Variants in GLI3 observed in about 807,000 individuals in gnomAD.
GLI3 encodes the protein transcription activator GLI3.
A neutral mutation model predicts 100.8 loss-of-function variants in GLI3; 20 were observed. The ratio of observed to expected loss-of-function variants is 0.20; its 90% CI spans 0.14 to 0.29. The LOEUF is 0.29. GLI3 is among the 10% of genes least tolerant of loss of function. The pLI, the probability that GLI3 is intolerant of heterozygous loss-of-function variation, is 1.00. For synonymous variants in GLI3, 938 were observed against 860.5 expected (o/e 1.09, Z -1.58); for missense variants, 2,040 against 2,128.5 (o/e 0.96, Z 0.82).
intron 2 of GLI3, among the ~76,000 whole-genome samples, chr7:42,221,506 G>A (rs1004855130): frequency 1.3e-5 from 2 of 151,850 alleles, no homozygotes; most frequent in Non-Finnish European, 2.9e-5. Flanking sequence ...ACACACTCAC[G>A]CATACATTTG....
chr7:42,111,117 G>T (rs1785696255), intron 3 of GLI3, among the ~76,000 whole-genome samples: 1 of 152,212 alleles, frequency 6.6e-6, no homozygotes, highest in Admixed American at 6.5e-5. Context: ...TACAGGGTTG[G>T]CTGAAATAAA....
intron 3 of GLI3, among the ~76,000 whole-genome samples, chr7:42,111,363 C>T (rs1217605556): frequency 1.3e-5 from 2 of 152,074 alleles, no homozygotes; most frequent in African/African-American, 4.8e-5. Context: ...CAAGGTAGCT[C>T]AAGGGGTCAG....
At chr7:42,133,318 T>C (rs1786340239) in intron 3 of GLI3, among the ~76,000 whole-genome samples, 1 of 152,152 alleles carries the variant, frequency 6.6e-6, no homozygotes, top group South Asian at 2.1e-4. Context: ...TCAGATATCA[T>C]TAGCTAAATG....
chr7:41,986,768 A>G (rs1787833804), intron 10 of GLI3, among the ~76,000 whole-genome samples: 2 of 152,014 alleles, frequency 1.3e-5, no homozygotes, highest in South Asian at 4.2e-4. Flanking sequence ...TTGAGAATAT[A>G]TCAAAACATA....
intron 3 of GLI3, among the ~76,000 whole-genome samples, chr7:42,125,585 T>TGTC (rs1786106062): frequency 6.6e-6 from 1 of 152,224 alleles, no homozygotes; most frequent in African/African-American, 2.4e-5. Flanking sequence ...GATCCTTTTA[T>TGTC]GTCTTTCTTC....
chr7:42,052,336 G>C (rs1171519144), intron 4 of GLI3, among the ~76,000 whole-genome samples: 1 of 152,132 alleles, frequency 6.6e-6, no homozygotes, highest in African/African-American at 2.4e-5. Context: ...ACACCAGTCG[G>C]CTTTGCTCCT....
rs1025458487 is a variant in GLI3, at chr7:42,174,744, G to A, written c.125-26276C>T. On this transcript the variant is annotated intron_variant, in intron 2 of 14. Coordinates refer to ENST00000395925, the MANE Select transcript of GLI3 (RefSeq NM_000168.6). ...TGTTCATCAACCGCCCCCCAGGGCCGCACAGAGGGTGACGGCACGGGCGAG... is the reference window on the plus strand; with the variant it reads ...TGTTCATCAACCGCCCCCCAGGGCCACACAGAGGGTGACGGCACGGGCGAG... 6.6e-5 allele frequency among the ~76,000 whole-genome samples: 10 copies of A among 152,172 alleles called. No individual in the cohort carries two copies. In the South Asian group the frequency reaches 8.3e-4, roughly 13 times the overall value.
At chr7:42,082,203 A>G (rs1785009977) in intron 3 of GLI3, among the ~76,000 whole-genome samples, 1 of 151,946 alleles carries the variant, frequency 6.6e-6, no homozygotes, top group South Asian at 2.1e-4. Flanking sequence ...AACTCACTCT[A>G]GTGAGATAGT....
At position 42,065,605 on chromosome 7, in the gene GLI3, T is replaced by C. The variant is rs1171779289; in HGVS notation, c.473+11147A>G. Among the ~76,000 whole-genome samples the C allele has an allele frequency of 3.3e-5, 5 of 152,354 alleles. No individual in the cohort carries two copies. In the East Asian group the frequency reaches 5.8e-4, roughly 18 times the overall value. On this transcript the variant is annotated intron_variant, in intron 4 of 14. Coordinates refer to ENST00000395925, the MANE Select transcript of GLI3 (RefSeq NM_000168.6). The stretch of plus-strand genomic sequence containing the variant: ...TATGTACAAGAAAATGTAGTGGTTA[T>C]AGTAAGATACTCGAATAATTTTGTT...
rs182641896 is a variant in GLI3, at chr7:42,184,243, G to A, written c.125-35775C>T. On this transcript the variant is annotated intron_variant, in intron 2 of 14. Transcript: ENST00000395925. ...CTTCCCCTCGTCTCTGCTCTGGCCAGTCTCTGTTTCTGTTGTGAAACACAC... is the reference window on the plus strand; with the variant it reads ...CTTCCCCTCGTCTCTGCTCTGGCCAATCTCTGTTTCTGTTGTGAAACACAC... Among the ~76,000 whole-genome samples, 7 of 152,344 alleles carry A rather than the reference G, an allele frequency of 4.6e-5. No homozygotes were observed. In the East Asian group the frequency reaches 1.4e-3, roughly 29 times the overall value.
At chr7:42,002,055 GAC>G (rs36214762) in intron 10 of GLI3, among the ~76,000 whole-genome samples, 98 of 150,380 alleles carry the variant, frequency 6.5e-4, no homozygotes, top group Middle Eastern at 3.5e-3. Context: ...AACATGGCAA[GAC>G]ACACACACAC....
chr7:42,248,719 A>G (rs1187088838), intron 1 of GLI3, among the ~76,000 whole-genome samples: 1 of 152,204 alleles, frequency 6.6e-6, no homozygotes, highest in African/African-American at 2.4e-5. Context: ...TATTTCTATT[A>G]TAATAAAATA....
chr7:42,133,903 G>A (rs1297507407), intron 3 of GLI3, among the ~76,000 whole-genome samples: 1 of 151,938 alleles, frequency 6.6e-6, no homozygotes, highest in African/African-American at 2.4e-5. Flanking sequence ...GCAATATGGT[G>A]AAACACCGTA....
upstream of GLI3, among the ~76,000 whole-genome samples, chr7:42,241,658 G>A (rs539431723): frequency 5.3e-5 from 8 of 152,248 alleles, no homozygotes; most frequent in South Asian, 1.5e-3. Flanking sequence ...CATCTTCCTG[G>A]AACATTGGGA....
At chr7:42,149,452 G>C (rs1045901338) in intron 2 of GLI3, among the ~76,000 whole-genome samples, 1 of 152,174 alleles carries the variant, frequency 6.6e-6, no homozygotes, top group African/African-American at 2.4e-5. Context: ...AAGAACCCAT[G>C]CATAAAATTA....
At position 41,965,571 on chromosome 7, in the gene GLI3, C is replaced by CGGA. The variant is rs1313811532; in HGVS notation, c.3499_3501dup (p.Ser1167dup). ...TTGGAGGAGGACAGGTCGGCGCTTC[C>CGGA]GGAGCTGACTTCGTTCCACTGAATG... On this transcript the variant is annotated inframe_insertion, in exon 15 of 15. Transcript: ENST00000395925. 6.2e-7 allele frequency: 1 copy of CGGA among 1,604,930 alleles called. No individual in the cohort carries two copies. The highest frequency in any genetic ancestry group is 1.1e-5 in the South Asian group (1 of 90,840).
At chr7:41,970,939 C>T (rs531696198) in intron 13 of GLI3, among the ~76,000 whole-genome samples, 2 of 152,254 alleles carry the variant, frequency 1.3e-5, no homozygotes, top group Admixed American at 1.3e-4. Context: ...AGTTTATGAA[C>T]TGATTAAAAT....
chr7:42,188,654 T>C (rs1787766879), intron 2 of GLI3, among the ~76,000 whole-genome samples: 1 of 152,200 alleles, frequency 6.6e-6, no homozygotes, highest in Non-Finnish European at 1.5e-5. Context: ...ACTGGAATAT[T>C]ACTCAGTGCT....
chr7:42,182,662 A>ATATATATACATGTG (rs1554337073), intron 2 of GLI3, among the ~76,000 whole-genome samples: 11 of 76,714 alleles, frequency 1.4e-4, no homozygotes, highest in Admixed American at 3.7e-4. Flanking sequence ...ATATATATAT[A>ATATATATACATGTG]TATATATATA....
Sources: allele counts gnomAD v4.1 joint callset (sites outside exome capture counted in the v4.1 genomes callset), GRCh38; gene constraint gnomAD v4.1.1; transcripts MANE v1.5; gene names NCBI Gene and HGNC (gene_info 2026-07-23, HGNC 2026-07-21).